Variants in UBAC2 observed in about 807,000 individuals in gnomAD.
The protein encoded by UBAC2 is ubiquitin-associated domain-containing protein 2.
In UBAC2, 26 loss-of-function variants were observed where a neutral mutation model predicts 44.0. The observed-to-expected ratio is 0.59, with a 90% CI of 0.43 to 0.82. The LOEUF is 0.82. Among genes scored for constraint, UBAC2 ranks in the 40% least tolerant of loss-of-function variants. The pLI is 0.00. For synonymous variants in UBAC2, 155 were observed against 154.3 expected (o/e 1.00, Z -0.04); for missense variants, 329 against 419.4 (o/e 0.78, Z 1.88).
intron 6 of UBAC2, among the ~76,000 whole-genome samples, chr13:99,328,013 T>C (rs180984166): frequency 1.4e-3 from 206 of 152,308 alleles, no homozygotes; most frequent in Middle Eastern, 3.4e-3. Context: ...TTTCCCCACA[T>C]CCAGCTGCCA....
intron 4 of UBAC2, chr13:99,255,865 G>T (rs755112652): frequency 6.4e-7 from 1 of 1,558,242 alleles, no homozygotes; most frequent in African/African-American, 1.4e-5. Flanking sequence ...ATTGTTCAGG[G>T]TGATCATTTT....
intron 1 of UBAC2, among the ~76,000 whole-genome samples, chr13:99,205,347 AG>A (rs1206361239): frequency 6.6e-6 from 1 of 152,190 alleles, no homozygotes; most frequent in Non-Finnish European, 1.5e-5. Flanking sequence ...GGCCCAGGGC[AG>A]GTATGCTTCT....
chr13:99,374,399 G>C (rs1227110514), intron 8 of UBAC2, among the ~76,000 whole-genome samples: 1 of 152,114 alleles, frequency 6.6e-6, no homozygotes, highest in East Asian at 1.9e-4. Context: ...TGGTCTTCTG[G>C]TTTGTTGGAG....
chr13:99,236,560 AGAG>A (rs2043234968), intron 1 of UBAC2, among the ~76,000 whole-genome samples: 1 of 152,254 alleles, frequency 6.6e-6, no homozygotes, highest in South Asian at 2.1e-4. Flanking sequence ...CAGGAATAAC[AGAG>A]GCTGGCTGCT....
chr13:99,360,466 A>C (rs1487114165), intron 7 of UBAC2, among the ~76,000 whole-genome samples: 1 of 152,230 alleles, frequency 6.6e-6, no homozygotes, highest in African/African-American at 2.4e-5. Flanking sequence ...AAATGCATCT[A>C]AGGTGTTACA....
Position 99,373,480 on chromosome 13 carries a change from C to G in UBAC2, c.927+5574C>G, listed in dbSNP as rs532554010. On this transcript the variant is annotated intron_variant, in intron 8 of 8. Coordinates refer to ENST00000403766, the MANE Select transcript of UBAC2 (RefSeq NM_001144072.2). ...AGCTGACAGTGACCAGCTGTCTGCT[C>G]TGCACCGGGGCTAAGCGCTGTGCTG... 2.0e-5 allele frequency among the ~76,000 whole-genome samples: 3 copies of G among 152,340 alleles called. No homozygotes were observed. In the East Asian group the frequency reaches 5.8e-4, roughly 29 times the overall value.
intron 4 of UBAC2, among the ~76,000 whole-genome samples, chr13:99,298,155 G>A (rs981132620): frequency 6.6e-6 from 1 of 152,130 alleles, no homozygotes; most frequent in South Asian, 2.1e-4. Flanking sequence ...TGATGTGCTA[G>A]ATAGAAAAGA....
chr13:99,274,542 T>C (rs1164457492), intron 4 of UBAC2, among the ~76,000 whole-genome samples: 11 of 152,162 alleles, frequency 7.2e-5, no homozygotes. Context: ...CCCAGGCAGG[T>C]CTTGAATTCA....
At chr13:99,277,915 G>T (rs915888585) in intron 4 of UBAC2, among the ~76,000 whole-genome samples, 3 of 152,140 alleles carry the variant, frequency 2.0e-5, no homozygotes, top group African/African-American at 7.2e-5. Flanking sequence ...GGAACATAAC[G>T]TTCTTCTAAT....
chr13:99,239,224 C>T (rs978357492), intron 2 of UBAC2, among the ~76,000 whole-genome samples: 1 of 152,154 alleles, frequency 6.6e-6, no homozygotes, highest in Non-Finnish European at 1.5e-5. Flanking sequence ...TAATTAATAC[C>T]ATTGCTCAGA....
intron 7 of UBAC2, among the ~76,000 whole-genome samples, chr13:99,367,016 T>G (rs1237591473): frequency 6.6e-6 from 1 of 152,220 alleles, no homozygotes; most frequent in African/African-American, 2.4e-5. Context: ...ATTAATAAAT[T>G]CAAAGATTGC....
intron 1 of UBAC2, chr13:99,234,436 C>T (rs554215619): frequency 2.0e-3 from 378 of 184,798 alleles, no homozygotes; most frequent in Middle Eastern, 5.2e-3. Context: ...GTGATCCGCC[C>T]GCCTCAGCCT....
At chr13:99,350,033 T>C (rs985601264) in intron 7 of UBAC2, among the ~76,000 whole-genome samples, 1 of 152,196 alleles carries the variant, frequency 6.6e-6, no homozygotes, top group Non-Finnish European at 1.5e-5. Flanking sequence ...TCTTGCCTTC[T>C]AGGTCACTTC....
At chr13:99,361,226 G>A (rs565805301) in intron 7 of UBAC2, among the ~76,000 whole-genome samples, 4 of 152,004 alleles carry the variant, frequency 2.6e-5, no homozygotes, top group African/African-American at 7.3e-5. Flanking sequence ...TTCATAAAAC[G>A]CCTGTTCAAA....
At chr13:99,255,082 T>G (rs201584591) in intron 4 of UBAC2, 1 of 1,614,106 alleles carries the variant, frequency 6.2e-7, no homozygotes, top group Non-Finnish European at 8.5e-7. Context: ...CCAGGGATTG[T>G]AACTGTTCTC....
chr13:99,223,555 T>G (rs1217702837), intron 1 of UBAC2, among the ~76,000 whole-genome samples: 4 of 148,784 alleles, frequency 2.7e-5, no homozygotes, highest in South Asian at 4.2e-4. Context: ...TTTTTTTTTT[T>G]TTTTTTTTTT....
intron 1 of UBAC2, among the ~76,000 whole-genome samples, chr13:99,227,179 C>G (rs1055881787): frequency 6.7e-6 from 1 of 150,186 alleles, no homozygotes; most frequent in South Asian, 2.1e-4. Flanking sequence ...GCCCGGACAA[C>G]AAGAGCGAAA....
intron 4 of UBAC2, among the ~76,000 whole-genome samples, chr13:99,272,699 A>G (rs1289574109): frequency 1.3e-5 from 2 of 152,072 alleles, no homozygotes; most frequent in Non-Finnish European, 1.5e-5. Flanking sequence ...TTACAAGGGC[A>G]CTAATCTCAT....
At chr13:99,376,905 T>A (rs563485520) in intron 8 of UBAC2, 2 of 152,352 alleles carry the variant, frequency 1.3e-5, no homozygotes, top group South Asian at 4.1e-4. Flanking sequence ...GAGACATTTT[T>A]AAAATTTTCC....
Sources: allele counts gnomAD v4.1 joint callset (sites outside exome capture counted in the v4.1 genomes callset), GRCh38; gene constraint gnomAD v4.1.1; transcripts MANE v1.5; gene names NCBI Gene and HGNC (gene_info 2026-07-23, HGNC 2026-07-21).